The following CSE1L variants were observed in gnomAD, a reference collection of about 807,000 sequenced individuals.
The protein encoded by CSE1L is chromosome segregation 1 like, also known as exportin-2.
A neutral mutation model predicts 120.4 loss-of-function variants in CSE1L; 24 were observed. The ratio of observed to expected loss-of-function variants is 0.20; its 90% CI spans 0.14 to 0.28. The LOEUF (loss-of-function observed/expected upper bound fraction) is 0.28, where lower values mean the gene tolerates loss of function less well. Ranked by LOEUF, CSE1L falls within the 10% of genes least tolerant of loss-of-function variation. The pLI is 1.00. For missense variants in CSE1L, 830 were observed against 1,145.2 expected, an observed-to-expected ratio of 0.72 and a Z score of 3.97; for synonymous variants, 402 against 398.3, an observed-to-expected ratio of 1.01 and a Z score of -0.11.
chr20:49,081,533 A>G (rs768307217), intron 14 of CSE1L, among the ~76,000 whole-genome samples: 2 of 152,234 alleles, frequency 1.3e-5, no homozygotes, highest in South Asian at 2.1e-4. Context: ...GAATTTTGCC[A>G]ATCTTAAATG....
chr20:49,095,613 A>T (rs1388821457), intron 24 of CSE1L, among the ~76,000 whole-genome samples: 3 of 151,142 alleles, frequency 2.0e-5, no homozygotes, highest in African/African-American at 7.3e-5. Flanking sequence ...GGACACAGTT[A>T]TTTTTTTTTA....
chr20:49,084,858 G>A (rs910270635), intron 15 of CSE1L, among the ~76,000 whole-genome samples: 2 of 152,114 alleles, frequency 1.3e-5, no homozygotes, highest in African/African-American at 2.4e-5. Flanking sequence ...GCCAATTAAG[G>A]GTAGAAAGGA....
chr20:49,063,145 A>G, intron 2 of CSE1L, 57 bp from the exon 3 acceptor site: 1 of 957,570 alleles, frequency 1.0e-6, no homozygotes, highest in Non-Finnish European at 1.4e-6. Flanking sequence ...TATATTTGAT[A>G]TATATAAGGT....
At chr20:49,055,005 C>T (rs959846689) in intron 1 of CSE1L, among the ~76,000 whole-genome samples, 5 of 152,228 alleles carry the variant, frequency 3.3e-5, no homozygotes, top group Admixed American at 6.5e-5. Flanking sequence ...TCTTAATTTT[C>T]TAACGTTTAA....
At chr20:49,093,715 G>T (rs911977597) in intron 22 of CSE1L, among the ~76,000 whole-genome samples, 1 of 151,666 alleles carries the variant, frequency 6.6e-6, no homozygotes, top group Non-Finnish European at 1.5e-5. Flanking sequence ...TCAGGAGTTC[G>T]AGATCAGCCT....
At chr20:49,072,496 C>T in intron 9 of CSE1L, 43 bp downstream of exon 9, 1 of 1,607,874 alleles carries the variant, frequency 6.2e-7, no homozygotes. Context: ...ACATTCTCTC[C>T]CTATCTCCTC....
intron 14 of CSE1L, among the ~76,000 whole-genome samples, chr20:49,083,396 A>G (rs1474023669): frequency 6.6e-6 from 1 of 152,184 alleles, no homozygotes; most frequent in Non-Finnish European, 1.5e-5. Flanking sequence ...TGCTGGGACT[A>G]CAGGAATTCA....
chr20:49,058,490 A>G lies in CSE1L; in HGVS notation c.27A>G (p.Gln9=), dbSNP rs780459783. Reference sequence around the variant, plus strand: ...TGGAACTCAGCGATGCAAATCTGCAAACACTAACAGAATATTTAAAGAAAA... The same window carrying G: ...TGGAACTCAGCGATGCAAATCTGCAGACACTAACAGAATATTTAAAGAAAA... The part of the protein sequence containing the change: MELSDANL[Q]TLTEYLKKTL... The change falls in exon 2 of 25, where the codon CAA becomes CAG. Residue 9 remains glutamine (Q), a synonymous_variant. Transcript: ENST00000262982. 1.2e-6 allele frequency: 2 copies of G among 1,613,890 alleles called. No homozygotes were observed. The highest frequency in any genetic ancestry group is 1.7e-4 in the Middle Eastern group (1 of 6,054).
chr20:49,093,044 TAAGATA>T (rs1368324124), intron 22 of CSE1L, among the ~76,000 whole-genome samples: 2 of 152,176 alleles, frequency 1.3e-5, no homozygotes, highest in Non-Finnish European at 2.9e-5. Context: ...ATTATAACGA[TAAGATA>T]AAGAACAACT....
At chr20:49,054,182 G>T (rs1284537234) in intron 1 of CSE1L, among the ~76,000 whole-genome samples, 1 of 152,206 alleles carries the variant, frequency 6.6e-6, no homozygotes, top group Admixed American at 6.5e-5. Flanking sequence ...TGATTAGGTA[G>T]GTGGTGGGAT....
At chr20:49,095,635 C>T (rs2092133659) in intron 24 of CSE1L, among the ~76,000 whole-genome samples, 2 of 151,922 alleles carry the variant, frequency 1.3e-5, no homozygotes, top group Non-Finnish European at 2.9e-5. Context: ...TTGCAGCATA[C>T]TCAGAAATTA....
intron 7 of CSE1L, 101 bp downstream of exon 7, chr20:49,068,923 TGAAA>T (rs2091912776): frequency 1.2e-6 from 1 of 853,136 alleles, no homozygotes; most frequent in Non-Finnish European, 1.9e-6. Context: ...TTGATTTTTC[TGAAA>T]GAAAAGGTTT....
At chr20:49,048,769 T>G (rs569920286) in intron 1 of CSE1L, among the ~76,000 whole-genome samples, 2 of 152,330 alleles carry the variant, frequency 1.3e-5, no homozygotes, top group South Asian at 4.1e-4. Flanking sequence ...TATATTCCTA[T>G]GGTTAGAAAG....
intron 14 of CSE1L, among the ~76,000 whole-genome samples, chr20:49,080,580 G>A (rs996852434): frequency 7.2e-5 from 11 of 152,072 alleles, no homozygotes; most frequent in African/African-American, 9.7e-5. Flanking sequence ...GAGTTCAAGC[G>A]ATTTTCTTGC....
At chr20:49,071,180 T>C (rs1379891538) in intron 8 of CSE1L, among the ~76,000 whole-genome samples, 1 of 152,184 alleles carries the variant, frequency 6.6e-6, no homozygotes. Context: ...CAAATCAGGT[T>C]TTAAGAGTGG....
chr20:49,074,176 A>AGAGTGT (rs2091952594), intron 10 of CSE1L, among the ~76,000 whole-genome samples: 1 of 115,424 alleles, frequency 8.7e-6, no homozygotes, highest in African/African-American at 3.2e-5. Context: ...ATACAACTGC[A>AGAGTGT]GTGTGTGTGT....
intron 8 of CSE1L, among the ~76,000 whole-genome samples, chr20:49,071,506 CCTTGTCTCA>C (rs1028985703): frequency 3.9e-5 from 6 of 152,078 alleles, no homozygotes; most frequent in Non-Finnish European, 8.8e-5. Flanking sequence ...TGATGTCTTC[CCTTGTCTCA>C]CTCTGTCACC....
chr20:49,048,131 TGTG>T (rs2091735822), intron 1 of CSE1L, among the ~76,000 whole-genome samples: 7 of 150,578 alleles, frequency 4.6e-5, no homozygotes, highest in Non-Finnish European at 1.0e-4. Context: ...GGCCTTTCTC[TGTG>T]TGTGTCTCTC....
At chr20:49,075,204 T>C (rs919359324) in intron 11 of CSE1L, 114 bp from the exon 12 acceptor site, 1 of 854,044 alleles carries the variant, frequency 1.2e-6, no homozygotes, top group Non-Finnish European at 1.8e-6. Flanking sequence ...TTCTTTTTTT[T>C]CCGTTTTACA....
Sources: allele counts gnomAD v4.1 joint callset (sites outside exome capture counted in the v4.1 genomes callset), GRCh38; gene constraint gnomAD v4.1.1; transcripts MANE v1.5; gene names NCBI Gene and HGNC (gene_info 2026-07-23, HGNC 2026-07-21).